Variants in SLC1A1 observed in about 807,000 individuals in gnomAD.
The protein encoded by SLC1A1 is excitatory amino acid transporter 3.
A neutral mutation model predicts 53.3 loss-of-function variants in SLC1A1; 43 were observed. That is an observed-to-expected ratio of 0.81 (90% CI 0.63 to 1.04). SLC1A1 has a LOEUF of 1.04. Among genes scored for constraint, SLC1A1 ranks in the 50% least tolerant of loss-of-function variants. The pLI, the probability that SLC1A1 is intolerant of heterozygous loss-of-function variation, is 0.00. For missense variants in SLC1A1, 748 were observed against 664.9 expected (o/e 1.12, Z -1.37); for synonymous variants, 307 against 243.2 (o/e 1.26, Z -2.44).
intron 1 of SLC1A1, among the ~76,000 whole-genome samples, chr9:4,531,805 C>G (rs1021894237): frequency 1.6e-4 from 25 of 152,286 alleles, no homozygotes; most frequent in African/African-American, 5.3e-4. Context: ...GAGGCACCCC[C>G]CAGTAGGGGC....
At chr9:4,572,713 A>G (rs1049209471) in intron 7 of SLC1A1, among the ~76,000 whole-genome samples, 3 of 151,882 alleles carry the variant, frequency 2.0e-5, no homozygotes, top group Non-Finnish European at 4.4e-5. Flanking sequence ...ATGCCCAGCT[A>G]TTTTTTTGTA....
intron 1 of SLC1A1, among the ~76,000 whole-genome samples, chr9:4,543,595 C>T (rs1224058052): frequency 6.6e-6 from 1 of 152,132 alleles, no homozygotes; most frequent in Non-Finnish European, 1.5e-5. Context: ...GAACATGTCC[C>T]TACACTCACA....
intron 1 of SLC1A1, among the ~76,000 whole-genome samples, chr9:4,536,555 G>A (rs1263942207): frequency 2.6e-5 from 4 of 152,206 alleles, no homozygotes; most frequent in African/African-American, 4.8e-5. Context: ...AGGTGCTGGA[G>A]AGGATGTGGA....
chr9:4,548,354 T>C (rs749696345), intron 2 of SLC1A1, among the ~76,000 whole-genome samples: 6 of 152,148 alleles, frequency 3.9e-5, no homozygotes, highest in Admixed American at 2.0e-4. Context: ...TATACAGTTA[T>C]TAGGCCGAAG....
intron 6 of SLC1A1, among the ~76,000 whole-genome samples, chr9:4,570,583 C>A (rs992494416): frequency 6.6e-6 from 1 of 152,002 alleles, no homozygotes; most frequent in Non-Finnish European, 1.5e-5. Flanking sequence ...GTTGGCCAGG[C>A]TGGTCTTGAA....
Position 4,585,043 on chromosome 9 carries a change from A to T in SLC1A1, c.1329-269A>T, listed in dbSNP as rs113248110. Among the ~76,000 whole-genome samples, 458 of 152,276 alleles carry T rather than the reference A, an allele frequency of 3.0e-3. 1 individual carries two copies. Among genetic ancestry groups the T allele is most frequent in the African/African-American group, 0.011 (445 of 41,576 alleles). On this transcript the variant is annotated intron_variant, in intron 11 of 11. Transcript: ENST00000262352. Reference sequence around the variant, plus strand: ...AACCTCCCTCAGTCCCCCAAAAAATATCTGGAACGACTCTATTCATGTTTC... The same window carrying T: ...AACCTCCCTCAGTCCCCCAAAAAATTTCTGGAACGACTCTATTCATGTTTC...
At chr9:4,580,629 G>GTA (rs1820989459) in intron 10 of SLC1A1, among the ~76,000 whole-genome samples, 1 of 130,642 alleles carries the variant, frequency 7.7e-6, no homozygotes, top group Non-Finnish European at 1.6e-5. Flanking sequence ...GTGTGTGTGT[G>GTA]TGTGTGTGTG....
intron 1 of SLC1A1, among the ~76,000 whole-genome samples, chr9:4,542,268 A>G (rs1817083845): frequency 6.6e-6 from 1 of 152,198 alleles, no homozygotes; most frequent in African/African-American, 2.4e-5. Context: ...CTTGATAGAA[A>G]GTTGTAATTG....
intron 1 of SLC1A1, among the ~76,000 whole-genome samples, chr9:4,531,999 A>T (rs538489658): frequency 3.3e-5 from 5 of 152,322 alleles, no homozygotes; most frequent in South Asian, 2.1e-4. Context: ...GAGGGTCCTG[A>T]CCGTTAGAAG....
chr9:4,579,942 C>T (rs772710897), intron 10 of SLC1A1, among the ~76,000 whole-genome samples: 9 of 152,026 alleles, frequency 5.9e-5, no homozygotes, highest in African/African-American at 1.4e-4. Flanking sequence ...TAATTAGGGC[C>T]GGAAGCGATG....
intron 3 of SLC1A1, 49 bp downstream of exon 3, chr9:4,561,590 T>C (rs1818947336): frequency 3.3e-6 from 4 of 1,206,004 alleles, no homozygotes; most frequent in South Asian, 2.4e-5. Context: ...GGTGATTTTT[T>C]CATTCGAAAA....
At chr9:4,495,147 C>T (rs950199432) in intron 1 of SLC1A1, among the ~76,000 whole-genome samples, 1 of 152,178 alleles carries the variant, frequency 6.6e-6, no homozygotes, top group Non-Finnish European at 1.5e-5. Context: ...TAATTTGAGA[C>T]GTGGCATAGG....
chr9:4,544,224 G>T (rs7048761), intron 1 of SLC1A1, among the ~76,000 whole-genome samples: 1 of 152,004 alleles, frequency 6.6e-6, no homozygotes, highest in Admixed American at 6.6e-5. Flanking sequence ...AGAAAAAGGT[G>T]GTGTGTGAAT....
intron 1 of SLC1A1, among the ~76,000 whole-genome samples, chr9:4,510,898 C>T (rs1014706545): frequency 5.3e-5 from 8 of 152,154 alleles, no homozygotes; most frequent in Admixed American, 3.9e-4. Context: ...TCAGCTCCAC[C>T]GTAAACAAAT....
chr9:4,583,882 T>TCTCTCTCTCTCTCTCA lies in SLC1A1; in HGVS notation c.1328+711_1328+712insTCTCTCTCTCTCTCAC, dbSNP rs1423949414. Among the ~76,000 whole-genome samples, 2 of 136,966 alleles carry TCTCTCTCTCTCTCTCA rather than the reference T, an allele frequency of 1.5e-5. No individual in the cohort carries two copies. Among genetic ancestry groups the TCTCTCTCTCTCTCTCA allele is most frequent in the African/African-American group, 2.8e-5 (1 of 35,264 alleles). 89.9% of individuals were successfully genotyped at this position (136,966 alleles called of 152,430 possible). On this transcript the variant is annotated intron_variant, in intron 11 of 11. Coordinates refer to ENST00000262352, the MANE Select transcript of SLC1A1 (RefSeq NM_004170.6). The surrounding 1 kb of genome is among the most constrained non-coding windows in gnomAD (Gnocchi z 4.6). ...CTCTCTCTCTCTCTCTCTCTCTCTC[T>TCTCTCTCTCTCTCTCA]CACACACACACACACACACACACAC...
At chr9:4,534,466 A>T (rs1461295838) in intron 1 of SLC1A1, among the ~76,000 whole-genome samples, 2 of 152,352 alleles carry the variant, frequency 1.3e-5, no homozygotes, top group Non-Finnish European at 2.9e-5. Context: ...ATCTAGAAGA[A>T]ATGGATAAAT....
Position 4,576,226 on chromosome 9 carries a change from C to G in SLC1A1, c.998+103C>G, listed in dbSNP as rs536421518. 361 of 1,160,314 alleles carry G rather than the reference C, an allele frequency of 3.1e-4. 5 individuals are homozygous for G. The highest frequency in any genetic ancestry group is 2.9e-3 in the South Asian group (230 of 80,588). 71.9% of individuals were successfully genotyped at this position (1,160,314 alleles called of 1,614,324 possible). ...TCCAGCTTGCGGTTTTTGTAGCTGT[C>G]TTTGAGAAATGACCTCCGTATTCTC... On this transcript the variant is annotated intron_variant, in intron 9 of 11. Coordinates refer to ENST00000262352, the MANE Select transcript of SLC1A1 (RefSeq NM_004170.6).
chr9:4,540,514 A>C (rs1816913752), intron 1 of SLC1A1, among the ~76,000 whole-genome samples: 2 of 152,274 alleles, frequency 1.3e-5, no homozygotes, highest in South Asian at 4.1e-4. Context: ...GCGCTGACTA[A>C]AACACATGCC....
At chr9:4,538,403 A>G (rs907207923) in intron 1 of SLC1A1, among the ~76,000 whole-genome samples, 5 of 152,228 alleles carry the variant, frequency 3.3e-5, no homozygotes, top group African/African-American at 4.8e-5. Flanking sequence ...ATATAAAATT[A>G]TCTTTGAGCG....
Sources: allele counts gnomAD v4.1 joint callset (sites outside exome capture counted in the v4.1 genomes callset), GRCh38; gene constraint gnomAD v4.1.1; non-coding constraint Gnocchi (gnomAD v3.1); transcripts MANE v1.5; gene names NCBI Gene and HGNC (gene_info 2026-07-23, HGNC 2026-07-21).